The following SULF1 variants were observed in gnomAD, a reference collection of about 807,000 sequenced individuals.
SULF1 encodes extracellular sulfatase Sulf-1.
In SULF1, 46 loss-of-function variants were observed where a neutral mutation model predicts 110.5. The observed-to-expected ratio is 0.42, with a 90% CI of 0.33 to 0.53. The LOEUF is 0.53. SULF1 is among the 20% of genes least tolerant of loss of function. The pLI is 0.12. For missense variants in SULF1, 941 were observed against 1,094.2 expected (o/e 0.86, Z 1.98); for synonymous variants, 371 against 387.1 (o/e 0.96, Z 0.49).
At chr8:69,576,350 C>G (rs1805610602) in intron 6 of SULF1, 141 bp downstream of exon 6, 1 of 946,010 alleles carries the variant, frequency 1.1e-6, no homozygotes. Context: ...GACATCTACC[C>G]CAGGGTCTGG....
intron 22 of SULF1, among the ~76,000 whole-genome samples, chr8:69,649,832 A>G (rs1199801822): frequency 6.6e-6 from 1 of 151,812 alleles, no homozygotes; most frequent in Non-Finnish European, 1.5e-5. Context: ...AAGCCACTAT[A>G]ATTTTTTTCT....
At chr8:69,472,143 C>G (rs1276449178) in intron 1 of SULF1, among the ~76,000 whole-genome samples, 1 of 151,974 alleles carries the variant, frequency 6.6e-6, no homozygotes, top group African/African-American at 2.4e-5. Context: ...GGTCCTGCAC[C>G]AAGGATAATA....
At chr8:69,640,865 T>C in intron 22 of SULF1, 24 bp downstream of exon 22, 1 of 1,605,238 alleles carries the variant, frequency 6.2e-7, no homozygotes, top group Non-Finnish European at 8.5e-7. Flanking sequence ...TTTATTCTTC[T>C]CAACAGCTTC....
intron 1 of SULF1, among the ~76,000 whole-genome samples, chr8:69,494,295 C>G (rs1211412988): frequency 1.3e-5 from 2 of 151,996 alleles, no homozygotes; most frequent in East Asian, 3.8e-4. Context: ...TAAATTCTTA[C>G]ATTTGTTGTA....
At chr8:69,498,825 A>G (rs1239196760) in intron 2 of SULF1, among the ~76,000 whole-genome samples, 1 of 152,186 alleles carries the variant, frequency 6.6e-6, no homozygotes, top group Non-Finnish European at 1.5e-5. Context: ...ACATTTCTCC[A>G]CCCACGCAAT....
chr8:69,488,065 C>T (rs550061411), upstream of SULF1, among the ~76,000 whole-genome samples: 39 of 152,136 alleles, frequency 2.6e-4, no homozygotes, highest in African/African-American at 8.9e-4. Context: ...ATAGAAATGC[C>T]GAGGAGAAAA....
intron 3 of SULF1, among the ~76,000 whole-genome samples, chr8:69,547,907 GA>G (rs534428951): frequency 2.0e-5 from 3 of 152,134 alleles, no homozygotes; most frequent in South Asian, 2.1e-4. Flanking sequence ...CAAATATCTG[GA>G]AAAAAATCTG....
At chr8:69,473,217 A>C (rs1375195611) in intron 1 of SULF1, 1 of 151,950 alleles carries the variant, frequency 6.6e-6, no homozygotes, top group Non-Finnish European at 1.5e-5. Flanking sequence ...TTGCTGTTTT[A>C]TTTTTGTTTT....
At chr8:69,596,199 G>T (rs1402489083) in intron 8 of SULF1, among the ~76,000 whole-genome samples, 1 of 152,200 alleles carries the variant, frequency 6.6e-6, no homozygotes, top group African/African-American at 2.4e-5. Flanking sequence ...AGGATTACAG[G>T]GATGTTTTCT....
At chr8:69,526,524 G>A (rs13248898) in intron 3 of SULF1, among the ~76,000 whole-genome samples, 25,645 of 150,684 alleles carry the variant, frequency 0.17, 2,778 homozygotes, top group South Asian at 0.31. Context: ...CACTTTGGGA[G>A]CCCAAGGTAG....
chr8:69,645,839 T>G (rs1324435803), intron 22 of SULF1, among the ~76,000 whole-genome samples: 1 of 152,144 alleles, frequency 6.6e-6, no homozygotes, highest in African/African-American at 2.4e-5. Context: ...ATATGATGTA[T>G]CTTCCAAACA....
At chr8:69,508,254 C>T (rs1484803769) in intron 3 of SULF1, among the ~76,000 whole-genome samples, 7 of 152,104 alleles carry the variant, frequency 4.6e-5, no homozygotes, top group South Asian at 4.1e-4. Flanking sequence ...TATAGGCATG[C>T]GCCACCACGC....
In SULF1 at chr8:69,576,088, G is replaced by C. The variant is rs1228597308; in HGVS notation, c.291G>C (p.Gly97=). ...CGTCACGGTCCTCCATGCTCACCGG[G>C]AAGTATGTGCACAATCACAATGTCT... ...CCPSRSSMLT[G]KYVHNHNVYT... is the part of the protein sequence containing the mutation. The change falls in exon 6 of 23, where the codon GGG becomes GGC. Residue 97 remains glycine (G), a synonymous_variant. Coordinates refer to ENST00000402687, the MANE Select transcript of SULF1 (RefSeq NM_001128205.2). 2 of 1,614,176 alleles carry C rather than the reference G, an allele frequency of 1.2e-6. No individual in the cohort carries two copies. The highest frequency in any genetic ancestry group is 2.2e-5 in the East Asian group (1 of 44,874).
At chr8:69,631,364 G>T (rs1696552626) in intron 19 of SULF1, among the ~76,000 whole-genome samples, 1 of 152,250 alleles carries the variant, frequency 6.6e-6, no homozygotes, top group African/African-American at 2.4e-5. Flanking sequence ...CTCCTCTGTG[G>T]CCTCCCAGGC....
At chr8:69,599,298 G>T (rs573742340) in intron 8 of SULF1, among the ~76,000 whole-genome samples, 1 of 152,150 alleles carries the variant, frequency 6.6e-6, no homozygotes, top group Non-Finnish European at 1.5e-5. Context: ...CAGATTTCTC[G>T]GTCACATAAA....
intron 1 of SULF1, among the ~76,000 whole-genome samples, chr8:69,485,699 T>C (rs896291667): frequency 7.9e-5 from 12 of 152,228 alleles, no homozygotes; most frequent in African/African-American, 2.9e-4. Context: ...TTCCTCTTTA[T>C]ACTCTCCGCC....
intron 1 of SULF1, among the ~76,000 whole-genome samples, chr8:69,474,649 T>C (rs552538989): frequency 1.3e-5 from 2 of 152,336 alleles, no homozygotes; most frequent in African/African-American, 4.8e-5. Context: ...GTAATATTTT[T>C]TACTTGGGAT....
intron 1 of SULF1, among the ~76,000 whole-genome samples, chr8:69,469,788 T>TC (rs1809006247): frequency 6.6e-6 from 1 of 152,238 alleles, no homozygotes; most frequent in South Asian, 2.1e-4. Flanking sequence ...ACGCCTGTAA[T>TC]CCCAACATTT....
At chr8:69,568,441 A>T (rs1043638425) in intron 5 of SULF1, among the ~76,000 whole-genome samples, 1 of 152,238 alleles carries the variant, frequency 6.6e-6, no homozygotes, top group African/African-American at 2.4e-5. Flanking sequence ...TAAAGGGAGT[A>T]AGACACATAA....
Sources: gnomAD v4.1 joint callset for allele counts (sites outside exome capture counted in the v4.1 genomes callset) on GRCh38, gnomAD v4.1.1 for gene constraint, MANE v1.5 for transcripts, NCBI Gene and HGNC (gene_info 2026-07-23, HGNC 2026-07-21) for gene names.